Variants in GMDS observed in about 807,000 individuals in gnomAD.
GMDS encodes the protein GDP-mannose 4,6 dehydratase.
In GMDS, 20 loss-of-function variants were observed where a neutral mutation model predicts 49.9. The ratio of observed to expected loss-of-function variants is 0.40; its 90% CI spans 0.28 to 0.58. The LOEUF (loss-of-function observed/expected upper bound fraction) is 0.58, where lower values mean the gene tolerates loss of function less well. Among genes scored for constraint, GMDS ranks in the 20% least tolerant of loss-of-function variants. GMDS has a pLI of 0.42. For synonymous variants in GMDS, 177 were observed against 178.6 expected (o/e 0.99, Z 0.07); for missense variants, 362 against 481.4 (o/e 0.75, Z 2.32).
intron 4 of GMDS, among the ~76,000 whole-genome samples, chr6:2,006,832 G>T (rs1188542452): frequency 6.6e-6 from 1 of 152,130 alleles, no homozygotes; most frequent in African/African-American, 2.4e-5. Context: ...ACGAAGTTTT[G>T]CAAACACAGT....
intron 6 of GMDS, among the ~76,000 whole-genome samples, chr6:1,938,839 C>G (rs913985633): frequency 6.6e-6 from 1 of 151,716 alleles, no homozygotes; most frequent in African/African-American, 2.4e-5. Flanking sequence ...CATCTCTTTG[C>G]TCTTATCTGT....
At chr6:1,913,541 G>T (rs568869889) in intron 7 of GMDS, among the ~76,000 whole-genome samples, 1 of 152,250 alleles carries the variant, frequency 6.6e-6, no homozygotes, top group South Asian at 2.1e-4. Context: ...GAATAGAAGG[G>T]TGTGATTTGT....
At chr6:1,634,092 C>T (rs1030241649) in intron 9 of GMDS, among the ~76,000 whole-genome samples, 1 of 152,226 alleles carries the variant, frequency 6.6e-6, no homozygotes, top group Non-Finnish European at 1.5e-5. Flanking sequence ...AATCCCTCTT[C>T]CCCTGGAAAA....
chr6:2,092,558 G>A (rs779388293), intron 4 of GMDS, among the ~76,000 whole-genome samples: 14 of 152,058 alleles, frequency 9.2e-5, no homozygotes, highest in Non-Finnish European at 1.5e-4. Context: ...TTTATTGTAC[G>A]TAACAGATTT....
chr6:1,810,185 T>C (rs1308598677), intron 7 of GMDS, among the ~76,000 whole-genome samples: 1 of 152,102 alleles, frequency 6.6e-6, no homozygotes, highest in African/African-American at 2.4e-5. Flanking sequence ...CTGTGTGCTG[T>C]CACAGAGCAG....
At chr6:2,029,407 A>G (rs1768820839) in intron 4 of GMDS, among the ~76,000 whole-genome samples, 1 of 152,186 alleles carries the variant, frequency 6.6e-6, no homozygotes, top group African/African-American at 2.4e-5. Context: ...TCCTTGGGGC[A>G]TTCTGCTATT....
At chr6:1,886,224 A>G (rs1759598781) in intron 7 of GMDS, among the ~76,000 whole-genome samples, 1 of 152,224 alleles carries the variant, frequency 6.6e-6, no homozygotes, top group African/African-American at 2.4e-5. Context: ...TCCACTGGGC[A>G]TATACTTTTA....
chr6:2,012,248 A>C (rs1402651354), intron 4 of GMDS, among the ~76,000 whole-genome samples: 1 of 152,182 alleles, frequency 6.6e-6, no homozygotes, highest in Non-Finnish European at 1.5e-5. Context: ...CACACCCCCT[A>C]AATTTATAGA....
chr6:1,627,055 G>C (rs1353185244), intron 9 of GMDS, among the ~76,000 whole-genome samples: 1 of 152,206 alleles, frequency 6.6e-6, no homozygotes, highest in Non-Finnish European at 1.5e-5. Context: ...GAGACCTTGG[G>C]AAGAAAAAGG....
At chr6:2,008,815 C>T (rs1166745013) in intron 4 of GMDS, among the ~76,000 whole-genome samples, 2 of 145,106 alleles carry the variant, frequency 1.4e-5, no homozygotes, top group Non-Finnish European at 3.1e-5. Flanking sequence ...ATGTGCTCCA[C>T]AGCACTGATC....
chr6:1,827,086 G>A (rs1398313561), intron 7 of GMDS, among the ~76,000 whole-genome samples: 5 of 79,564 alleles, frequency 6.3e-5, no homozygotes, highest in East Asian at 9.1e-4. Flanking sequence ...ATATGTGTGT[G>A]TGTGTGTGTG....
intron 3 of GMDS, 121 bp from the exon 4 acceptor site, chr6:2,116,001 T>G (rs1774826139): frequency 1.5e-6 from 1 of 652,744 alleles, no homozygotes; most frequent in Non-Finnish European, 2.8e-6. Flanking sequence ...ATGGAAATGC[T>G]GTACTGATGG....
intron 7 of GMDS, among the ~76,000 whole-genome samples, chr6:1,822,183 G>A (rs1437413828): frequency 1.3e-5 from 2 of 152,158 alleles, no homozygotes; most frequent in Non-Finnish European, 2.9e-5. Context: ...AACTCAGGGT[G>A]AAAGGTAGCT....
chr6:1,876,440 C>G (rs766301416), intron 7 of GMDS, among the ~76,000 whole-genome samples: 2 of 152,166 alleles, frequency 1.3e-5, no homozygotes, highest in Non-Finnish European at 2.9e-5. Flanking sequence ...TAACTAGGCT[C>G]TGAAAATAAA....
intron 8 of GMDS, among the ~76,000 whole-genome samples, chr6:1,732,677 A>G (rs940438778): frequency 2.0e-5 from 3 of 152,218 alleles, no homozygotes; most frequent in Non-Finnish European, 4.4e-5. Flanking sequence ...CAGCAGAACA[A>G]CAAACATTTC....
At chr6:1,632,057 C>T (rs1334090194) in intron 9 of GMDS, among the ~76,000 whole-genome samples, 1 of 152,180 alleles carries the variant, frequency 6.6e-6, no homozygotes, top group Non-Finnish European at 1.5e-5. Context: ...TCCTTCTTTA[C>T]ATCTTCATGA....
chr6:2,181,736 C>T (rs1778544312), intron 1 of GMDS, among the ~76,000 whole-genome samples: 1 of 152,128 alleles, frequency 6.6e-6, no homozygotes. Context: ...CGGAAAATGT[C>T]ATGTGTGTTC....
intron 4 of GMDS, among the ~76,000 whole-genome samples, chr6:1,997,797 T>TAC (rs1561958784): frequency 6.6e-6 from 1 of 152,096 alleles, no homozygotes; most frequent in Non-Finnish European, 1.5e-5. Flanking sequence ...ACCTGCCAAC[T>TAC]ACCCACATTG....
At chr6:2,128,541 T>G (rs974393125) in intron 1 of GMDS, among the ~76,000 whole-genome samples, 22 of 151,820 alleles carry the variant, frequency 1.4e-4, no homozygotes, top group Admixed American at 1.2e-3. Context: ...CACAGGGGGG[T>G]TAGCCAACTT....
Sources: allele counts gnomAD v4.1 joint callset (sites outside exome capture counted in the v4.1 genomes callset), GRCh38; gene constraint gnomAD v4.1.1; transcripts MANE v1.5; gene names NCBI Gene and HGNC (gene_info 2026-07-23, HGNC 2026-07-21).